Variants in MALRD1 observed in about 807,000 individuals in gnomAD.
MALRD1 encodes MAM and LDL-receptor class A domain-containing protein 1.
MALRD1 carries 247 observed loss-of-function variants against 242.1 expected under a neutral mutation model. The observed-to-expected ratio is 1.02, with a 90% confidence interval of 0.92 to 1.13. The LOEUF is 1.13. MALRD1 is among the 50% of genes most tolerant of loss of function. The pLI is 0.00. For synonymous variants in MALRD1, 995 were observed against 866.6 expected, an observed-to-expected ratio of 1.15 and a Z score of -2.60; for missense variants, 2,989 against 2,533.1, an observed-to-expected ratio of 1.18 and a Z score of -3.86.
intron 13 of MALRD1, among the ~76,000 whole-genome samples, chr10:19,167,649 A>C (rs1444495561): frequency 6.6e-6 from 1 of 152,204 alleles, no homozygotes; most frequent in Non-Finnish European, 1.5e-5. Context: ...CTCATACTCT[A>C]GGCGAAGTCT....
At chr10:19,686,097 G>T (rs59849389) in intron 36 of MALRD1, among the ~76,000 whole-genome samples, 4,038 of 152,118 alleles carry the variant, frequency 0.027, 156 homozygotes, top group African/African-American at 0.089. Context: ...TCCACCGAGG[G>T]GCATAAGACA....
intron 26 of MALRD1, among the ~76,000 whole-genome samples, chr10:19,368,313 T>C (rs11009638): frequency 0.15 from 22,680 of 151,942 alleles, 1,726 homozygotes; most frequent in African/African-American, 0.17. Context: ...GGCGGGGGCC[T>C]AGTTTCCTTC....
intron 39 of MALRD1, among the ~76,000 whole-genome samples, chr10:19,733,594 T>C (rs1177824641): frequency 1.3e-5 from 2 of 151,714 alleles, no homozygotes; most frequent in Non-Finnish European, 2.9e-5. Flanking sequence ...TGGGTAGATA[T>C]GGCTCTTAAA....
intron 32 of MALRD1, among the ~76,000 whole-genome samples, chr10:19,535,837 A>G (rs1303118478): frequency 1.3e-5 from 2 of 152,202 alleles, no homozygotes; most frequent in African/African-American, 4.8e-5. Flanking sequence ...AGTTAATAAT[A>G]GCAAATGTGG....
At chr10:19,699,826 C>G (rs1319445410) in intron 38 of MALRD1, among the ~76,000 whole-genome samples, 1 of 152,028 alleles carries the variant, frequency 6.6e-6, no homozygotes, top group African/African-American at 2.4e-5. Flanking sequence ...ACCTCACTCA[C>G]TACAGTAAGA....
intron 29 of MALRD1, among the ~76,000 whole-genome samples, chr10:19,456,652 G>A (rs186132385): frequency 3.6e-4 from 55 of 152,118 alleles, no homozygotes; most frequent in African/African-American, 1.2e-3. Context: ...CAGATCGCTC[G>A]CAGTCTTCTT....
At chr10:19,367,459 G>A (rs1200111008) in intron 26 of MALRD1, among the ~76,000 whole-genome samples, 1 of 151,962 alleles carries the variant, frequency 6.6e-6, no homozygotes, top group Non-Finnish European at 1.5e-5. Context: ...GCCTTTTTAT[G>A]GCTGAATAAG....
chr10:19,427,376 T>G (rs1366930973), intron 28 of MALRD1, among the ~76,000 whole-genome samples: 1 of 152,238 alleles, frequency 6.6e-6, no homozygotes, highest in Non-Finnish European at 1.5e-5. Flanking sequence ...AATCAAAATT[T>G]TATTTTTAAT....
chr10:19,688,609 T>A (rs2131814209), intron 36 of MALRD1, among the ~76,000 whole-genome samples: 1 of 152,068 alleles, frequency 6.6e-6, no homozygotes, highest in Non-Finnish European at 1.5e-5. Context: ...GATAAGGGAG[T>A]CCACCAAGCT....
At chr10:19,546,665 C>G (rs553649915) in intron 32 of MALRD1, among the ~76,000 whole-genome samples, 3 of 152,278 alleles carry the variant, frequency 2.0e-5, no homozygotes, top group African/African-American at 7.2e-5. Flanking sequence ...CTGATCTTTT[C>G]TTTTACCTGT....
chr10:19,277,181 C>T (rs1299896486), intron 19 of MALRD1, among the ~76,000 whole-genome samples: 1 of 152,220 alleles, frequency 6.6e-6, no homozygotes, highest in South Asian at 2.1e-4. Flanking sequence ...CTGCCTTAGC[C>T]TCCCAAAGTG....
At chr10:19,511,002 A>G (rs540678020) in intron 31 of MALRD1, among the ~76,000 whole-genome samples, 1 of 152,296 alleles carries the variant, frequency 6.6e-6, no homozygotes, top group East Asian at 1.9e-4. Context: ...ATCTAAAACA[A>G]CCTTATCAAG....
chr10:19,287,477 G>C (rs551225129), intron 21 of MALRD1, among the ~76,000 whole-genome samples: 27 of 151,992 alleles, frequency 1.8e-4, no homozygotes, highest in African/African-American at 6.5e-4. Flanking sequence ...TTAAATTTCT[G>C]AGCTAGATAT....
intron 26 of MALRD1, among the ~76,000 whole-genome samples, chr10:19,366,448 C>T (rs1489854150): frequency 1.3e-5 from 2 of 152,030 alleles, no homozygotes; most frequent in Non-Finnish European, 2.9e-5. Flanking sequence ...CTCACTTGCC[C>T]GCTGCTCACC....
At chr10:19,348,701 G>A (rs1255560364) in intron 25 of MALRD1, among the ~76,000 whole-genome samples, 1 of 151,980 alleles carries the variant, frequency 6.6e-6, no homozygotes, top group Non-Finnish European at 1.5e-5. Flanking sequence ...TTTGTTTATT[G>A]TTTGCTTGTT....
At chr10:19,578,304 T>C (rs1836930413) in intron 33 of MALRD1, among the ~76,000 whole-genome samples, 1 of 152,158 alleles carries the variant, frequency 6.6e-6, no homozygotes, top group African/African-American at 2.4e-5. Context: ...CTGGGTGGGA[T>C]TCATGGTTCA....
intron 38 of MALRD1, among the ~76,000 whole-genome samples, chr10:19,729,519 G>A (rs899702885): frequency 9.2e-5 from 14 of 151,794 alleles, no homozygotes; most frequent in African/African-American, 3.1e-4. Context: ...GTGTGTGTGT[G>A]TGTGTACACA....
intron 32 of MALRD1, among the ~76,000 whole-genome samples, chr10:19,542,702 A>T (rs1041628853): frequency 6.6e-6 from 1 of 152,142 alleles, no homozygotes; most frequent in Non-Finnish European, 1.5e-5. Flanking sequence ...GGATACAAAG[A>T]TAGGTAGATA....
At chr10:19,099,922 G>T (rs1247161393) in intron 4 of MALRD1, among the ~76,000 whole-genome samples, 1 of 151,760 alleles carries the variant, frequency 6.6e-6, no homozygotes. Flanking sequence ...CACCACACCT[G>T]GCTAATTTTT....
Sources: allele counts gnomAD v4.1 joint callset (sites outside exome capture counted in the v4.1 genomes callset), GRCh38; gene constraint gnomAD v4.1.1; transcripts MANE v1.5; gene names NCBI Gene and HGNC (gene_info 2026-07-23, HGNC 2026-07-21).